The following SNX29 variants were observed in gnomAD, a reference collection of about 807,000 sequenced individuals.
The protein encoded by SNX29 is sorting nexin 29.
In SNX29, 78 loss-of-function variants were observed where a neutral mutation model predicts 102.1. The observed-to-expected ratio is 0.76, with a 90% CI of 0.64 to 0.92. SNX29 has a LOEUF of 0.92. SNX29 is among the 40% of genes least tolerant of loss of function. SNX29 has a pLI of 0.00. For synonymous variants in SNX29, 580 were observed against 414.5 expected, an observed-to-expected ratio of 1.40 and a Z score of -4.85; for missense variants, 1,280 against 1,061.7, an observed-to-expected ratio of 1.21 and a Z score of -2.86.
At chr16:12,049,697 A>G (rs534487128) in intron 7 of SNX29, among the ~76,000 whole-genome samples, 18 of 152,194 alleles carry the variant, frequency 1.2e-4, no homozygotes, top group South Asian at 1.0e-3. Context: ...AGTTAAGATT[A>G]ATTTGGTGAG....
Position 12,346,333 on chromosome 16 carries a change from A to G in SNX29, c.1783-9830A>G, listed in dbSNP as rs548460058. On this transcript the variant is annotated intron_variant, in intron 15 of 20. Transcript: ENST00000566228. ...TGGATAATCATGGTAATTAACATTT[A>G]TGGAGTACTTTACGTAACCCTAAGT... 3.3e-4 allele frequency among the ~76,000 whole-genome samples: 50 copies of G among 152,304 alleles called. 1 individual carries two copies. In the East Asian group the frequency reaches 3.5e-3, roughly 11 times the overall value.
At chr16:12,565,356 C>T (rs1429857528) in intron 20 of SNX29, among the ~76,000 whole-genome samples, 1 of 152,212 alleles carries the variant, frequency 6.6e-6, no homozygotes, top group Non-Finnish European at 1.5e-5. Context: ...CACGCACTCA[C>T]TGAAGCCCCT....
At position 12,126,526 on chromosome 16, in the gene SNX29, A is replaced by G. The variant is rs2054220779; in HGVS notation, c.1403-107A>G. The G allele has an allele frequency of 3.5e-6, 4 of 1,143,604 alleles. No homozygotes were observed. In the African/African-American group the frequency reaches 6.2e-5, roughly 18 times the overall value. 70.8% of individuals were successfully genotyped at this position (1,143,604 alleles called of 1,614,324 possible). A position where few individuals can be genotyped will look rare whatever the true frequency, so the allele number is the denominator to read the frequency against. Reference sequence around the variant, plus strand: ...AGTTATTTTTGAAAGGGAAAAGGGAACTTATCTAGACAAGTCATCCTTAAT... The same window carrying G: ...AGTTATTTTTGAAAGGGAAAAGGGAGCTTATCTAGACAAGTCATCCTTAAT... On this transcript the variant is annotated intron_variant, in intron 11 of 20. Coordinates refer to ENST00000566228, the MANE Select transcript of SNX29 (RefSeq NM_032167.5).
chr16:12,517,269 C>G (rs997343804), intron 19 of SNX29, among the ~76,000 whole-genome samples: 2 of 152,180 alleles, frequency 1.3e-5, no homozygotes, highest in African/African-American at 4.8e-5. Flanking sequence ...GGAGCCCAAC[C>G]AGAAAACTCA....
chr16:12,040,559 C>T (rs1274130678), intron 4 of SNX29, among the ~76,000 whole-genome samples: 1 of 152,114 alleles, frequency 6.6e-6, no homozygotes, highest in African/African-American at 2.4e-5. Context: ...AGTAATTCGA[C>T]ATGTGGAAAT....
chr16:12,171,753 C>T (rs1313985419), intron 13 of SNX29, among the ~76,000 whole-genome samples: 1 of 152,246 alleles, frequency 6.6e-6, no homozygotes, highest in Non-Finnish European at 1.5e-5. Flanking sequence ...ACAGTATTTG[C>T]TTGCGTTCCT....
At chr16:12,476,835 G>T (rs75849274) in intron 18 of SNX29, among the ~76,000 whole-genome samples, 12 of 152,274 alleles carry the variant, frequency 7.9e-5, no homozygotes, top group East Asian at 5.8e-4. Flanking sequence ...CGTAGGAACA[G>T]AATTTATCAC....
intron 14 of SNX29, among the ~76,000 whole-genome samples, chr16:12,266,980 C>T (rs2078947947): frequency 6.6e-6 from 1 of 152,068 alleles, no homozygotes; most frequent in Admixed American, 6.6e-5. Flanking sequence ...CCAGGCTGGT[C>T]TCGAACTCTT....
rs2079199617 is a variant in SNX29, at chr16:12,572,066, C to T, written c.*3437C>T. ...AGTTGTAAACAAGGGAACCATCTTG[C>T]AAGATCTAGGAAGAGGAAGGGGAGG... On this transcript the variant is annotated 3_prime_UTR_variant, in exon 21 of 21. Transcript: ENST00000566228. 3.8e-6 allele frequency: 4 copies of T among 1,063,334 alleles called. No individual in the cohort carries two copies. Among genetic ancestry groups the T allele is most frequent in the Non-Finnish European group, 4.6e-6 (4 of 878,114 alleles). 65.9% of individuals were successfully genotyped at this position (1,063,334 alleles called of 1,614,324 possible).
At chr16:12,555,541 C>CA (rs2078281278) in intron 20 of SNX29, among the ~76,000 whole-genome samples, 1 of 151,348 alleles carries the variant, frequency 6.6e-6, no homozygotes, top group East Asian at 2.0e-4. Context: ...TCTGGGAGGT[C>CA]ATACCGTGGG....
At chr16:12,243,147 C>T (rs916184306) in intron 14 of SNX29, among the ~76,000 whole-genome samples, 2 of 152,256 alleles carry the variant, frequency 1.3e-5, no homozygotes, top group African/African-American at 2.4e-5. Flanking sequence ...CTTTCTGTAT[C>T]TTTCAGTGCA....
intron 15 of SNX29, among the ~76,000 whole-genome samples, chr16:12,292,517 C>T (rs887046747): frequency 6.6e-6 from 1 of 152,192 alleles, no homozygotes; most frequent in Admixed American, 6.5e-5. Context: ...TCATTTCAGA[C>T]CCATTGAGGA....
chr16:12,201,304 C>A (rs1404562114), intron 14 of SNX29, among the ~76,000 whole-genome samples: 1 of 152,182 alleles, frequency 6.6e-6, no homozygotes, highest in Non-Finnish European at 1.5e-5. Flanking sequence ...CATCTCATCT[C>A]TGTTTCTCCA....
chr16:12,375,253 A>G (rs1012257022), intron 16 of SNX29: 1 of 152,216 alleles, frequency 6.6e-6, no homozygotes. Context: ...CATTATGCCA[A>G]TGACTCATTA....
intron 11 of SNX29, among the ~76,000 whole-genome samples, chr16:12,101,792 G>A (rs1478712000): frequency 1.3e-5 from 2 of 152,180 alleles, no homozygotes; most frequent in African/African-American, 2.4e-5. Flanking sequence ...TATACTTTAA[G>A]TTCTGGGATC....
intron 9 of SNX29, among the ~76,000 whole-genome samples, chr16:12,062,001 A>G (rs1266924331): frequency 1.3e-5 from 2 of 152,160 alleles, no homozygotes; most frequent in Non-Finnish European, 2.9e-5. Context: ...TTGGAGATGC[A>G]AGAAGGTAAC....
At chr16:12,444,961 C>T (rs1181516985) in intron 18 of SNX29, among the ~76,000 whole-genome samples, 7 of 151,086 alleles carry the variant, frequency 4.6e-5, no homozygotes, top group East Asian at 3.9e-4. Flanking sequence ...AAGGGGTTCT[C>T]CTGCGTCAGC....
intron 16 of SNX29, among the ~76,000 whole-genome samples, chr16:12,366,335 T>G (rs2082480861): frequency 6.6e-6 from 1 of 152,224 alleles, no homozygotes; most frequent in Non-Finnish European, 1.5e-5. Flanking sequence ...ATTATTTCCC[T>G]GAGGAACATC....
intron 11 of SNX29, among the ~76,000 whole-genome samples, chr16:12,122,790 A>G (rs1290524798): frequency 2.6e-5 from 4 of 152,106 alleles, no homozygotes; most frequent in African/African-American, 7.2e-5. Flanking sequence ...CCGGGCTCCA[A>G]CTTTTTCATT....
Sources: allele counts gnomAD v4.1 joint callset (sites outside exome capture counted in the v4.1 genomes callset), GRCh38; gene constraint gnomAD v4.1.1; transcripts MANE v1.5; gene names NCBI Gene and HGNC (gene_info 2026-07-23, HGNC 2026-07-21).